CSMD1: variants seen among roughly 807,000 people sequenced by gnomAD.
CSMD1 encodes the protein CUB and Sushi multiple domains 1, also known as CUB and sushi domain-containing protein 1.
CSMD1 carries 213 observed loss-of-function variants against 417.5 expected under a neutral mutation model. That is an observed-to-expected ratio of 0.51 (90% CI 0.46 to 0.57). The LOEUF (loss-of-function observed/expected upper bound fraction) is 0.57, where lower values mean the gene tolerates loss of function less well. CSMD1 is among the 20% of genes least tolerant of loss of function. The pLI is 0.00. For missense variants in CSMD1, 6,923 were observed against 4,529.7 expected (o/e 1.53, Z -15.17); for synonymous variants, 2,862 against 1,736.8 (o/e 1.65, Z -16.11).
At chr8:2,983,221 C>A (rs995789804) in intron 54 of CSMD1, among the ~76,000 whole-genome samples, 1 of 151,994 alleles carries the variant, frequency 6.6e-6, no homozygotes. Context: ...GAGTCTTGCT[C>A]TGTCTCCCAT....
At chr8:3,927,516 T>A (rs1809828446) in intron 5 of CSMD1, among the ~76,000 whole-genome samples, 1 of 150,564 alleles carries the variant, frequency 6.6e-6, no homozygotes, top group Non-Finnish European at 1.5e-5. Flanking sequence ...AATACAAAAA[T>A]TAGCCAGCCG....
intron 1 of CSMD1, among the ~76,000 whole-genome samples, chr8:4,888,007 C>T (rs541637705): frequency 6.6e-6 from 1 of 152,172 alleles, no homozygotes; most frequent in East Asian, 1.9e-4. Flanking sequence ...ACATGCCTCT[C>T]TCTCTTTCCC....
At chr8:3,084,895 A>AT (rs1312530036) in intron 49 of CSMD1, among the ~76,000 whole-genome samples, 1 of 151,140 alleles carries the variant, frequency 6.6e-6, no homozygotes, top group Non-Finnish European at 1.5e-5. Context: ...TTTTTGCTAC[A>AT]TTTTGTTTTG....
intron 3 of CSMD1, among the ~76,000 whole-genome samples, chr8:4,194,556 G>A (rs574716097): frequency 6.6e-6 from 1 of 152,184 alleles, no homozygotes; most frequent in African/African-American, 2.4e-5. Flanking sequence ...GTTGGCAACA[G>A]CAAATAAAAA....
chr8:4,604,955 C>T (rs868121646), intron 2 of CSMD1, among the ~76,000 whole-genome samples: 1 of 152,112 alleles, frequency 6.6e-6, no homozygotes, highest in Non-Finnish European at 1.5e-5. Context: ...GTAATTTGTT[C>T]TTGTGGGTCT....
chr8:3,297,468 C>G (rs928573784), intron 25 of CSMD1, among the ~76,000 whole-genome samples: 1 of 151,776 alleles, frequency 6.6e-6, no homozygotes, highest in Middle Eastern at 3.4e-3. Context: ...ACTAGATAAG[C>G]AAATAGATAA....
chr8:4,441,267 T>G (rs1242101517), intron 2 of CSMD1, among the ~76,000 whole-genome samples: 10 of 138,452 alleles, frequency 7.2e-5, no homozygotes, highest in Non-Finnish European at 1.6e-4. Flanking sequence ...TCAGTTTTTT[T>G]TTTTTTTTTT....
intron 2 of CSMD1, among the ~76,000 whole-genome samples, chr8:4,491,514 C>T (rs1036733759): frequency 2.6e-5 from 4 of 152,098 alleles, no homozygotes; most frequent in Non-Finnish European, 5.9e-5. Flanking sequence ...TCACCTCCTT[C>T]CTCCCACATT....
intron 5 of CSMD1, among the ~76,000 whole-genome samples, chr8:3,852,464 G>T (rs1803981125): frequency 6.6e-6 from 1 of 152,184 alleles, no homozygotes; most frequent in South Asian, 2.1e-4. Context: ...CTGCAGGGCT[G>T]CATTCAGAGA....
At chr8:4,423,154 C>G (rs1031779700) in intron 2 of CSMD1, among the ~76,000 whole-genome samples, 1 of 151,974 alleles carries the variant, frequency 6.6e-6, no homozygotes, top group Non-Finnish European at 1.5e-5. Context: ...GAAATTTGAA[C>G]AAGTCAAGAA....
intron 3 of CSMD1, among the ~76,000 whole-genome samples, chr8:4,414,825 T>C (rs567286138): frequency 1.3e-5 from 2 of 152,288 alleles, no homozygotes; most frequent in South Asian, 2.1e-4. Flanking sequence ...GAGTTAGTTA[T>C]TGCCCTCAAG....
intron 10 of CSMD1, among the ~76,000 whole-genome samples, chr8:3,510,489 GA>G (rs908593413): frequency 6.6e-6 from 1 of 151,848 alleles, no homozygotes; most frequent in African/African-American, 2.4e-5. Context: ...CAGGGTCTCT[GA>G]AAATGAGGTC....
intron 3 of CSMD1, among the ~76,000 whole-genome samples, chr8:4,413,668 G>C (rs991685696): frequency 5.3e-5 from 8 of 152,144 alleles, no homozygotes; most frequent in Admixed American, 3.9e-4. Flanking sequence ...GTGTACCGCG[G>C]ATCCCAAGAA....
intron 9 of CSMD1, among the ~76,000 whole-genome samples, chr8:3,582,984 A>T (rs994594263): frequency 6.6e-6 from 1 of 152,114 alleles, no homozygotes; most frequent in Non-Finnish European, 1.5e-5. Flanking sequence ...AGTTAAGGAG[A>T]TTATTTTGTC....
chr8:4,893,461 T>A (rs1313278894), intron 1 of CSMD1, among the ~76,000 whole-genome samples: 2 of 152,124 alleles, frequency 1.3e-5, no homozygotes, highest in Admixed American at 1.3e-4. Flanking sequence ...CAGGGTTTAT[T>A]TGTTGTCTTT....
At chr8:3,640,482 G>C (rs149446449) in intron 7 of CSMD1, among the ~76,000 whole-genome samples, 112 of 152,260 alleles carry the variant, frequency 7.4e-4, no homozygotes, top group African/African-American at 2.6e-3. Flanking sequence ...GCTCAGTTTT[G>C]TCTAATCAGT....
At chr8:3,934,461 T>C (rs11136680) in intron 5 of CSMD1, among the ~76,000 whole-genome samples, 67,770 of 152,056 alleles carry the variant, frequency 0.45, 15,562 homozygotes, top group African/African-American at 0.53. Flanking sequence ...TCAAAGTAAA[T>C]GAATGTCTTT....
At chr8:3,259,977 G>A (rs1398229535) in intron 26 of CSMD1, among the ~76,000 whole-genome samples, 1 of 152,144 alleles carries the variant, frequency 6.6e-6, no homozygotes, top group East Asian at 1.9e-4. Context: ...ACCTGCCTTG[G>A]AGACCACAGG....
chr8:3,897,841 G>T (rs747619755), intron 5 of CSMD1, among the ~76,000 whole-genome samples: 2 of 152,142 alleles, frequency 1.3e-5, no homozygotes, highest in Non-Finnish European at 1.5e-5. Context: ...ATTAGCCTGA[G>T]GATATTAAAG....
Sources: gnomAD v4.1 joint callset for allele counts (sites outside exome capture counted in the v4.1 genomes callset) on GRCh38, gnomAD v4.1.1 for gene constraint, MANE v1.5 for transcripts, NCBI Gene and HGNC (gene_info 2026-07-23, HGNC 2026-07-21) for gene names.